The following LRRC1 variants were observed in gnomAD, a reference collection of about 807,000 sequenced individuals.
The protein encoded by LRRC1 is leucine-rich repeat-containing protein 1.
A neutral mutation model predicts 69.9 loss-of-function variants in LRRC1; 28 were observed. The observed-to-expected ratio is 0.40, with a 90% CI of 0.30 to 0.55. The LOEUF is 0.55. LRRC1 is among the 20% of genes least tolerant of loss of function. The probability of loss-of-function intolerance (pLI) is 0.47; values close to 1 mark genes in which losing one functional copy is unlikely to be tolerated. For synonymous variants in LRRC1, 236 were observed against 240.2 expected, an observed-to-expected ratio of 0.98 and a Z score of 0.16; for missense variants, 498 against 609.0, an observed-to-expected ratio of 0.82 and a Z score of 1.92.
At chr6:53,872,734 T>A (rs1299205307) in intron 2 of LRRC1, among the ~76,000 whole-genome samples, 5 of 151,558 alleles carry the variant, frequency 3.3e-5, no homozygotes, top group African/African-American at 9.7e-5. Flanking sequence ...ATAGACACTT[T>A]TAACAATTTT....
chr6:53,900,040 T>TTTTG (rs1768005557), intron 8 of LRRC1, 149 bp downstream of exon 8: 1 of 694,028 alleles, frequency 1.4e-6, no homozygotes, highest in African/African-American at 2.1e-5. Context: ...TTTTTTTTTT[T>TTTTG]TTTTTTTTTT....
chr6:53,860,097 G>A (rs1766447008), intron 2 of LRRC1, among the ~76,000 whole-genome samples: 1 of 152,148 alleles, frequency 6.6e-6, no homozygotes, highest in East Asian at 1.9e-4. Context: ...GTATCCCACA[G>A]TATATCATTT....
intron 4 of LRRC1, among the ~76,000 whole-genome samples, chr6:53,894,252 A>G (rs1767796680): frequency 6.6e-6 from 1 of 152,208 alleles, no homozygotes; most frequent in Non-Finnish European, 1.5e-5. Context: ...TGGTAGCATC[A>G]TCAACTTGCT....
intron 2 of LRRC1, among the ~76,000 whole-genome samples, chr6:53,850,396 T>C (rs1766087801): frequency 6.6e-6 from 1 of 152,212 alleles, no homozygotes; most frequent in Non-Finnish European, 1.5e-5. Context: ...GGTTGTCATT[T>C]GTCGTTTGTT....
At chr6:53,858,377 G>A (rs1766386895) in intron 2 of LRRC1, among the ~76,000 whole-genome samples, 1 of 152,084 alleles carries the variant, frequency 6.6e-6, no homozygotes, top group Non-Finnish European at 1.5e-5. Context: ...TCCCTGCCCT[G>A]GTGGAGGGTT....
chr6:53,878,510 C>T (rs1315669150), intron 2 of LRRC1, among the ~76,000 whole-genome samples: 1 of 152,166 alleles, frequency 6.6e-6, no homozygotes, highest in East Asian at 1.9e-4. Context: ...AACCTAGATC[C>T]CTCGCATGGG....
chr6:53,914,940 T>G (rs995536466), intron 11 of LRRC1, among the ~76,000 whole-genome samples: 2 of 152,222 alleles, frequency 1.3e-5, no homozygotes, highest in African/African-American at 4.8e-5. Flanking sequence ...GTGTCACTTG[T>G]CCCATCAGAG....
chr6:53,830,527 ATC>A (rs1399110082), intron 1 of LRRC1, among the ~76,000 whole-genome samples: 1 of 152,178 alleles, frequency 6.6e-6, no homozygotes, highest in East Asian at 1.9e-4. Flanking sequence ...TCAGCATGAG[ATC>A]TGTTTCGTGT....
intron 1 of LRRC1, among the ~76,000 whole-genome samples, chr6:53,812,787 C>T (rs1316450724): frequency 6.7e-6 from 1 of 150,094 alleles, no homozygotes. Flanking sequence ...TTTCTCAGTT[C>T]AGGATGAGAT....
chr6:53,877,686 C>T (rs1767120226), intron 2 of LRRC1, among the ~76,000 whole-genome samples: 1 of 152,180 alleles, frequency 6.6e-6, no homozygotes, highest in African/African-American at 2.4e-5. Flanking sequence ...AACAAGTCAC[C>T]TTTGCTCCAG....
chr6:53,836,890 T>G (rs1017008445), intron 1 of LRRC1, among the ~76,000 whole-genome samples: 1 of 152,202 alleles, frequency 6.6e-6, no homozygotes. Flanking sequence ...CACTCTTTGC[T>G]TATCCTTTTG....
At chr6:53,913,792 C>A in intron 10 of LRRC1, 62 bp from the exon 11 acceptor site, 1 of 1,077,166 alleles carries the variant, frequency 9.3e-7, no homozygotes, top group Non-Finnish European at 1.4e-6. Flanking sequence ...ACAAGGTACT[C>A]TGATCCTACT....
intron 10 of LRRC1, among the ~76,000 whole-genome samples, chr6:53,907,834 C>G (rs895527351): frequency 5.4e-5 from 8 of 149,288 alleles, no homozygotes; most frequent in African/African-American, 2.0e-4. Flanking sequence ...GAATGCTTTT[C>G]TGTGAATTAC....
intron 2 of LRRC1, among the ~76,000 whole-genome samples, chr6:53,858,064 G>C (rs550935960): frequency 6.6e-6 from 1 of 152,190 alleles, no homozygotes; most frequent in African/African-American, 2.4e-5. Context: ...GTAGGCAAAA[G>C]GTGGGAGTAG....
rs79047482 is a variant in LRRC1, at chr6:53,835,560, C to A, written c.160-6550C>A. ...ACTTATTTATGAGTGTTTGCTAAAA[C>A]CCTTTCAAACTCAAATTCTGGATGT... On this transcript the variant is annotated intron_variant, in intron 1 of 13. Coordinates refer to ENST00000370888, the MANE Select transcript of LRRC1 (RefSeq NM_018214.5). Among the ~76,000 whole-genome samples, 300 of 152,276 alleles carry A rather than the reference C, an allele frequency of 2.0e-3. 4 individuals are homozygous for A. In the East Asian group the frequency reaches 0.041, roughly 21 times the overall value.
intron 1 of LRRC1, among the ~76,000 whole-genome samples, chr6:53,839,067 ATATT>A (rs1187524663): frequency 5.3e-5 from 8 of 151,836 alleles, no homozygotes; most frequent in Non-Finnish European, 8.8e-5. Flanking sequence ...GGTCTTTATA[ATATT>A]TATTTTTATT....
At chr6:53,879,249 T>C (rs1767181264) in intron 3 of LRRC1, among the ~76,000 whole-genome samples, 178 bp downstream of exon 3, 1 of 152,220 alleles carries the variant, frequency 6.6e-6, no homozygotes, top group Non-Finnish European at 1.5e-5. Flanking sequence ...ATGAAAGGCG[T>C]ACTATTCTAT....
intron 1 of LRRC1, among the ~76,000 whole-genome samples, chr6:53,841,107 C>T (rs145909308): frequency 6.5e-4 from 99 of 152,240 alleles, no homozygotes; most frequent in African/African-American, 2.4e-3. Flanking sequence ...AGGGTGGGAT[C>T]TTACTGACCA....
rs146175787 is a variant in LRRC1, at chr6:53,799,016, AC to A, written c.159+3603del. 2.0e-3 allele frequency among the ~76,000 whole-genome samples: 299 copies of A among 152,292 alleles called. 4 individuals are homozygous for A. The East Asian group carries it at 0.041, about 21-fold the overall frequency. ...CCTCAGTGTGCACCAGTTCTCAGAT[AC>A]CTTCAAATGCGTGTGTTTTCCTGTA... On this transcript the variant is annotated intron_variant, in intron 1 of 13. Transcript: ENST00000370888.
Sources: allele counts gnomAD v4.1 joint callset (sites outside exome capture counted in the v4.1 genomes callset), GRCh38; gene constraint gnomAD v4.1.1; transcripts MANE v1.5; gene names NCBI Gene and HGNC (gene_info 2026-07-23, HGNC 2026-07-21).